ITSN1: variants seen among roughly 807,000 people sequenced by gnomAD.
ITSN1 encodes intersectin-1.
In ITSN1, 58 loss-of-function variants were observed where a neutral mutation model predicts 239.8. That is an observed-to-expected ratio of 0.24 (90% CI 0.20 to 0.30). The LOEUF (loss-of-function observed/expected upper bound fraction) is 0.30. Ranked by LOEUF, ITSN1 falls within the 10% of genes least tolerant of loss-of-function variation. The pLI, the probability that ITSN1 is intolerant of heterozygous loss-of-function variation, is 1.00. For synonymous variants in ITSN1, 780 were observed against 770.8 expected (o/e 1.01, Z -0.20); for missense variants, 1,558 against 2,103.3 (o/e 0.74, Z 5.07).
chr21:33,844,507 G>T (rs73900379), intron 29 of ITSN1, among the ~76,000 whole-genome samples: 238 of 152,276 alleles, frequency 1.6e-3, no homozygotes, highest in African/African-American at 5.2e-3. Flanking sequence ...CCCTAGACAT[G>T]CCGGCTGCTG....
chr21:33,824,980 C>T (rs1379995389), intron 25 of ITSN1, among the ~76,000 whole-genome samples: 5 of 152,116 alleles, frequency 3.3e-5, no homozygotes, highest in South Asian at 2.1e-4. Context: ...GCCAGCAAGT[C>T]GAGTCCAATG....
chr21:33,886,923 A>G (rs1474876990), intron 39 of ITSN1, among the ~76,000 whole-genome samples: 1 of 152,216 alleles, frequency 6.6e-6, no homozygotes. Context: ...GTCATGTTGA[A>G]TGAATCATTT....
chr21:33,822,290 G>A (rs539305049), intron 24 of ITSN1, among the ~76,000 whole-genome samples: 3 of 152,296 alleles, frequency 2.0e-5, no homozygotes, highest in East Asian at 1.9e-4. Context: ...ATAATCAACC[G>A]AAGGAGTTCT....
intron 31 of ITSN1, among the ~76,000 whole-genome samples, chr21:33,861,991 T>TAA (rs776558259): frequency 0.023 from 1,364 of 58,146 alleles, 90 homozygotes; most frequent in African/African-American, 0.064. Context: ...TCATCTCTAC[T>TAA]AAAAAAAAAA....
intron 29 of ITSN1, among the ~76,000 whole-genome samples, chr21:33,855,308 C>T (rs1979112522): frequency 6.6e-6 from 1 of 152,224 alleles, no homozygotes. Flanking sequence ...CTAGCAAGCT[C>T]CTAGGTGACG....
At chr21:33,659,761 G>A (rs1300661117) in intron 1 of ITSN1, among the ~76,000 whole-genome samples, 1 of 132,500 alleles carries the variant, frequency 7.5e-6, no homozygotes. Context: ...CACCCAGGCT[G>A]GAGTGCAGTG....
intron 34 of ITSN1, among the ~76,000 whole-genome samples, chr21:33,876,178 C>G (rs1335549227): frequency 8.2e-6 from 1 of 121,296 alleles, no homozygotes; most frequent in Admixed American, 9.6e-5. Flanking sequence ...TCTTTCTTTC[C>G]TTCCTTCCTT....
intron 29 of ITSN1, chr21:33,836,855 C>A: frequency 1.4e-6 from 1 of 703,356 alleles, no homozygotes; most frequent in Non-Finnish European, 2.4e-6. Flanking sequence ...CCCTCCCTCC[C>A]CTCCCTCCTT....
chr21:33,785,663 C>T (rs954106241), intron 16 of ITSN1, among the ~76,000 whole-genome samples: 11 of 152,074 alleles, frequency 7.2e-5, no homozygotes, highest in Non-Finnish European at 1.5e-4. Flanking sequence ...AGGTATTTGT[C>T]TCGTATAGGA....
chr21:33,831,642 G>C (rs577681130), intron 27 of ITSN1, among the ~76,000 whole-genome samples: 5 of 152,202 alleles, frequency 3.3e-5, no homozygotes, highest in African/African-American at 1.2e-4. Context: ...GAAGGCCTCG[G>C]GTCTCACACA....
At chr21:33,802,578 G>T (rs1436211690) in intron 20 of ITSN1, 134 bp downstream of exon 20, 2 of 823,624 alleles carry the variant, frequency 2.4e-6, no homozygotes, top group African/African-American at 3.5e-5. Flanking sequence ...AGTCTGTGTA[G>T]TAGGTTGTGC....
At chr21:33,763,889 T>C (rs1008549294) in intron 9 of ITSN1, among the ~76,000 whole-genome samples, 1 of 152,264 alleles carries the variant, frequency 6.6e-6, no homozygotes, top group East Asian at 1.9e-4. Context: ...CGTGATTTTC[T>C]TGCAGGCCAC....
intron 27 of ITSN1, among the ~76,000 whole-genome samples, chr21:33,831,331 G>T (rs1224407270): frequency 6.6e-6 from 1 of 152,170 alleles, no homozygotes; most frequent in Non-Finnish European, 1.5e-5. Context: ...CGTAACACAG[G>T]GGGGCCTCAG....
At chr21:33,848,054 G>A (rs1226437780) in intron 29 of ITSN1, among the ~76,000 whole-genome samples, 7 of 152,208 alleles carry the variant, frequency 4.6e-5, no homozygotes, top group African/African-American at 1.2e-4. Flanking sequence ...CACAGCTGCC[G>A]CACTGATCCC....
At chr21:33,762,989 A>G (rs1242854043) in intron 9 of ITSN1, among the ~76,000 whole-genome samples, 1 of 152,094 alleles carries the variant, frequency 6.6e-6, no homozygotes, top group African/African-American at 2.4e-5. Flanking sequence ...CAGTCATAAC[A>G]GCAATAGCTC....
intron 22 of ITSN1, among the ~76,000 whole-genome samples, chr21:33,815,012 G>A (rs979929179): frequency 1.3e-5 from 2 of 152,208 alleles, no homozygotes; most frequent in East Asian, 1.9e-4. Flanking sequence ...AAGCGGGAAG[G>A]GAGAAAGGCA....
chr21:33,649,105 A>G (rs1312611144), intron 1 of ITSN1, among the ~76,000 whole-genome samples: 1 of 152,236 alleles, frequency 6.6e-6, no homozygotes, highest in Non-Finnish European at 1.5e-5. Context: ...AAGACTGTAC[A>G]GAAGTGTGAT....
In ITSN1 at chr21:33,797,284, C is replaced by T. The variant is rs995469778; in HGVS notation, c.1953-95C>T. On this transcript the variant is annotated intron_variant, in intron 17 of 39. Coordinates refer to ENST00000381318, the MANE Select transcript of ITSN1 (RefSeq NM_003024.3). The surrounding 1 kb of genome is among the most constrained non-coding windows in gnomAD (Gnocchi z 4.9). ...ACAATGTTCCCTTGATGTTCCCATC[C>T]CATTTACTGGATGGAGCTTTTTTTG... 3 of 969,924 alleles carry T rather than the reference C, an allele frequency of 3.1e-6. No homozygotes were observed. Among genetic ancestry groups the T allele is most frequent in the East Asian group, 2.4e-5 (1 of 41,852 alleles). 60.1% of individuals were successfully genotyped at this position (969,924 alleles called of 1,614,324 possible). A position where few individuals can be genotyped will look rare whatever the true frequency, so the allele number is the denominator to read the frequency against.
intron 1 of ITSN1, among the ~76,000 whole-genome samples, chr21:33,704,874 G>A (rs2092174803): frequency 6.8e-6 from 1 of 147,886 alleles, no homozygotes; most frequent in Non-Finnish European, 1.5e-5. Flanking sequence ...AGATCACGAG[G>A]TCAGGAGATT....
Sources: allele counts gnomAD v4.1 joint callset (sites outside exome capture counted in the v4.1 genomes callset), GRCh38; gene constraint gnomAD v4.1.1; non-coding constraint Gnocchi (gnomAD v3.1); transcripts MANE v1.5; gene names NCBI Gene and HGNC (gene_info 2026-07-23, HGNC 2026-07-21).